Variants in CTCF observed in about 807,000 individuals in gnomAD.
CTCF encodes CCCTC-binding factor.
A neutral mutation model predicts 72.3 loss-of-function variants in CTCF; 7 were observed. The observed-to-expected ratio is 0.10, with a 90% CI of 0.06 to 0.18. The LOEUF is 0.18. CTCF is among the 10% of genes least tolerant of loss of function. The pLI, the probability that CTCF is intolerant of heterozygous loss-of-function variation, is 1.00. For synonymous variants in CTCF, 374 were observed against 315.8 expected, an observed-to-expected ratio of 1.18 and a Z score of -1.95; for missense variants, 516 against 949.1, an observed-to-expected ratio of 0.54 and a Z score of 6.00.
At chr16:67,586,308 G>A (rs1364427044) in intron 2 of CTCF, among the ~76,000 whole-genome samples, 2 of 152,024 alleles carry the variant, frequency 1.3e-5, no homozygotes, top group Non-Finnish European at 1.5e-5. Flanking sequence ...AGGCCGAGGC[G>A]GGTGGATCAC....
Position 67,628,415 on chromosome 16 carries a change from C to A in CTCF, c.1564C>A (p.Pro522Thr). 6.2e-7 allele frequency: 1 copy of A among 1,614,180 alleles called. No individual in the cohort carries two copies. Among genetic ancestry groups the A allele is most frequent in the Non-Finnish European group, 8.5e-7 (1 of 1,180,036 alleles). ...CAAGCGCACCCACACCGGGGAGAAGCCTTACGCCTGCAGCCACTGCGATAA... is the reference window on the plus strand; with the variant it reads ...CAAGCGCACCCACACCGGGGAGAAGACTTACGCCTGCAGCCACTGCGATAA... ...MHKRTHTGEKPYACSHCDKTF... is the reference protein window; with the variant it reads ...MHKRTHTGEKTYACSHCDKTF... Residue 522 changes from proline (P) to threonine (T), a missense_variant, in exon 9 of 12, where the codon CCT (proline) becomes ACT (threonine). By Grantham distance (38) the Pro-to-Thr change is conservative (BLOSUM62 -1). This residue lies in a region of CTCF where 81 missense variants were observed against 184.3 expected (regional missense o/e 0.44). Transcript: ENST00000264010.
chr16:67,566,328 A>AC (rs754702099), intron 1 of CTCF, among the ~76,000 whole-genome samples: 1 of 151,518 alleles, frequency 6.6e-6, no homozygotes, highest in South Asian at 2.1e-4. Context: ...ACATGGTGAG[A>AC]CCCCATCTTT....
chr16:67,637,079 G>A (rs1226515437), intron 11 of CTCF, among the ~76,000 whole-genome samples: 1 of 152,170 alleles, frequency 6.6e-6, no homozygotes, highest in African/African-American at 2.4e-5. Context: ...GAGTAGAAGG[G>A]TACTTGTGTT....
At chr16:67,634,818 C>T (rs2052408969) in intron 10 of CTCF, among the ~76,000 whole-genome samples, 4 of 151,644 alleles carry the variant, frequency 2.6e-5, no homozygotes, top group Admixed American at 1.3e-4. Context: ...ATTCTTCTGC[C>T]TCAGCCTCCT....
At chr16:67,631,172 G>GT (rs367618037) in intron 10 of CTCF, among the ~76,000 whole-genome samples, 16,615 of 121,366 alleles carry the variant, frequency 0.14, 1,467 homozygotes, top group Non-Finnish European at 0.2. Context: ...TTTGTTTTTT[G>GT]TTTTTTTTTT....
intron 2 of CTCF, among the ~76,000 whole-genome samples, chr16:67,604,733 TTTTTTTTTTTTGTTTTTTG>T (rs927561223): frequency 1.3e-4 from 18 of 142,480 alleles, no homozygotes; most frequent in African/African-American, 4.4e-4. Context: ...CACCAGGGTT[TTTTTTTTTTTTGTTTTTTG>T]TTTTTTTTTT....
chr16:67,567,124 G>A (rs964616347), intron 1 of CTCF, among the ~76,000 whole-genome samples: 4 of 152,210 alleles, frequency 2.6e-5, no homozygotes, highest in Admixed American at 2.6e-4. Flanking sequence ...TTAGGTGTGA[G>A]CCACCGTGTC....
intron 10 of CTCF, among the ~76,000 whole-genome samples, chr16:67,632,692 A>AT (rs1323756660): frequency 2.0e-5 from 3 of 152,186 alleles, no homozygotes; most frequent in African/African-American, 7.2e-5. Flanking sequence ...TTTTCTAGGC[A>AT]TTGGGCCAAC....
chr16:67,607,846 C>T (rs1025763766), intron 2 of CTCF, among the ~76,000 whole-genome samples: 2 of 150,058 alleles, frequency 1.3e-5, no homozygotes, highest in Non-Finnish European at 3.0e-5. Flanking sequence ...AGTGAAACCC[C>T]GTATCTGCTA....
intron 2 of CTCF, among the ~76,000 whole-genome samples, chr16:67,585,526 G>T (rs966542280): frequency 1.3e-5 from 2 of 152,184 alleles, no homozygotes; most frequent in African/African-American, 4.8e-5. Flanking sequence ...GGACTTTTCA[G>T]AATCCTTCAA....
At chr16:67,591,278 C>T (rs552192062) in intron 2 of CTCF, among the ~76,000 whole-genome samples, 37 of 151,908 alleles carry the variant, frequency 2.4e-4, no homozygotes, top group African/African-American at 4.8e-4. Context: ...GGTGACAGAG[C>T]GAGACTCTGT....
At chr16:67,566,933 TG>T (rs2051350677) in intron 1 of CTCF, among the ~76,000 whole-genome samples, 1 of 151,948 alleles carries the variant, frequency 6.6e-6, no homozygotes, top group African/African-American at 2.4e-5. Context: ...TGGAGTGCAG[TG>T]GTGTGATCAC....
At chr16:67,577,028 G>A (rs1283829681) in intron 2 of CTCF, among the ~76,000 whole-genome samples, 1 of 152,108 alleles carries the variant, frequency 6.6e-6, no homozygotes, top group East Asian at 1.9e-4. Flanking sequence ...CTATAGGTAG[G>A]TTTCTTTAAG....
intron 7 of CTCF, among the ~76,000 whole-genome samples, chr16:67,622,342 C>T (rs1282896561): frequency 6.6e-6 from 1 of 150,624 alleles, no homozygotes; most frequent in African/African-American, 2.4e-5. Flanking sequence ...GGTGACAGAG[C>T]GCGACTCTGT....
chr16:67,628,240 C>A, intron 8 of CTCF, 130 bp from the exon 9 acceptor site: 1 of 748,440 alleles, frequency 1.3e-6, no homozygotes, highest in African/African-American at 1.8e-5. Flanking sequence ...GCTTTATCAT[C>A]TCAACAAGCC....
At chr16:67,579,534 T>A (rs1337695907) in intron 2 of CTCF, among the ~76,000 whole-genome samples, 2 of 151,818 alleles carry the variant, frequency 1.3e-5, no homozygotes, top group Non-Finnish European at 2.9e-5. Flanking sequence ...AATTTTTGTA[T>A]TTTTAGTAGA....
At chr16:67,579,726 C>G (rs1470558207) in intron 2 of CTCF, among the ~76,000 whole-genome samples, 2 of 152,028 alleles carry the variant, frequency 1.3e-5, no homozygotes, top group African/African-American at 2.4e-5. Flanking sequence ...AGAAAAATAC[C>G]CTAGTAGTAG....
intron 7 of CTCF, among the ~76,000 whole-genome samples, chr16:67,622,786 G>A (rs1006967802): frequency 2.7e-5 from 4 of 150,396 alleles, no homozygotes; most frequent in Non-Finnish European, 5.9e-5. Flanking sequence ...TGAGATTATA[G>A]GCGCATACCA....
chr16:67,606,556 C>CACAAGATTTTTGTTTGTTTTTTAT (rs2051975812), intron 2 of CTCF, among the ~76,000 whole-genome samples: 1 of 151,738 alleles, frequency 6.6e-6, no homozygotes, highest in Non-Finnish European at 1.5e-5. Flanking sequence ...TAATGTCATT[C>CACAAGATTTTTGTTTGTTTTTTAT]TCTCTGTAGT....
Sources: gnomAD v4.1 joint callset for allele counts (sites outside exome capture counted in the v4.1 genomes callset) on GRCh38, gnomAD v4.1.1 for gene constraint, gnomAD v4.1.1 regional missense constraint, MANE v1.5 for transcripts, NCBI Gene and HGNC (gene_info 2026-07-23, HGNC 2026-07-21) for gene names.